SLC17A8: variants seen among roughly 807,000 people sequenced by gnomAD.
The protein encoded by SLC17A8 is vesicular glutamate transporter 3.
A neutral mutation model predicts 58.0 loss-of-function variants in SLC17A8; 31 were observed. The observed-to-expected ratio is 0.53, with a 90% CI of 0.40 to 0.72. SLC17A8 has a LOEUF of 0.72. Ranked by LOEUF, SLC17A8 falls within the 30% of genes least tolerant of loss-of-function variation. The pLI is 0.00. For missense variants in SLC17A8, 655 were observed against 727.8 expected, an observed-to-expected ratio of 0.90 and a Z score of 1.15; for synonymous variants, 228 against 249.0, an observed-to-expected ratio of 0.92 and a Z score of 0.79.
At chr12:100,384,792 C>A (rs763455826) in intron 2 of SLC17A8, among the ~76,000 whole-genome samples, 2 of 152,136 alleles carry the variant, frequency 1.3e-5, no homozygotes, top group Non-Finnish European at 2.9e-5. Flanking sequence ...ACAGGCCCTG[C>A]CAGAAGTGCT....
intron 5 of SLC17A8, among the ~76,000 whole-genome samples, chr12:100,399,532 T>TA (rs1431370202): frequency 1.1e-4 from 16 of 151,962 alleles, no homozygotes; most frequent in Non-Finnish European, 2.4e-4. Context: ...TCAAGGAACT[T>TA]ACAATCACGG....
At chr12:100,417,779 A>T (rs1446756525) in intron 10 of SLC17A8, among the ~76,000 whole-genome samples, 1 of 152,240 alleles carries the variant, frequency 6.6e-6, no homozygotes, top group Non-Finnish European at 1.5e-5. Flanking sequence ...AGAACCTACA[A>T]GGTAGAGATG....
chr12:100,370,436 T>G (rs551603240), intron 1 of SLC17A8, among the ~76,000 whole-genome samples: 3 of 152,156 alleles, frequency 2.0e-5, no homozygotes, highest in African/African-American at 7.2e-5. Context: ...TAGCTGGGAT[T>G]ACAGGCATGC....
intron 1 of SLC17A8, among the ~76,000 whole-genome samples, chr12:100,367,631 G>A (rs1952528848): frequency 1.3e-5 from 2 of 152,152 alleles, no homozygotes; most frequent in African/African-American, 4.8e-5. Context: ...CCTCACGGCA[G>A]CCTCAACCTC....
Position 100,357,356 on chromosome 12 carries a change from T to C in SLC17A8, c.-36T>C. ...GAGGAAGGATGACAGTTTTTGAGAC[T>C]GACTGTTAACGGCTCAGAGGTGCCC... On this transcript the variant is annotated 5_prime_UTR_variant, in exon 1 of 12. Coordinates refer to ENST00000323346, the MANE Select transcript of SLC17A8 (RefSeq NM_139319.3). 7 of 1,170,342 alleles carry C rather than the reference T, an allele frequency of 6.0e-6. 1 individual carries two copies. The South Asian group carries it at 6.1e-5, about 10-fold the overall frequency. The allele number at this position is 1,170,342 out of a possible 1,614,324, so 72.5% of individuals were successfully genotyped here.
intron 2 of SLC17A8, among the ~76,000 whole-genome samples, chr12:100,384,642 GC>G: frequency 1.3e-5 from 2 of 152,294 alleles, no homozygotes; most frequent in Middle Eastern, 6.8e-3. Flanking sequence ...AAAGCCAAGG[GC>G]AGAAAGCAGG....
In SLC17A8 at chr12:100,389,499, T is replaced by C. The variant is rs551747973; in HGVS notation, c.355-1502T>C. ...AGTAGCCCCCCAAAACCCCATTTTT[T>C]GTTTTATTCACAAGCTATTTTATTT... On this transcript the variant is annotated intron_variant, in intron 2 of 11. Coordinates refer to ENST00000323346, the MANE Select transcript of SLC17A8 (RefSeq NM_139319.3). Among the ~76,000 whole-genome samples, 15 of 152,282 alleles carry C rather than the reference T, an allele frequency of 9.9e-5. No individual in the cohort carries two copies. In the East Asian group the frequency reaches 1.9e-3, roughly 20 times the overall value.
At position 100,380,861 on chromosome 12, in the gene SLC17A8, A is replaced by G. The variant is rs765494483; in HGVS notation, c.262A>G (p.Ile88Val). ...IAIMSGLGFC[I>V]SFGIRCNLGV... ...TATCATGAGTGGGCTGGGATTCTGC[A>G]TTTCCTTTGGGATCCGGTGCAATCT... Residue 88 changes from isoleucine to valine, a missense_variant, in exon 2 of 12, where the codon ATT (isoleucine) becomes GTT (valine). Ile to Val is a conservative substitution (Grantham distance 29, BLOSUM62 3). Transcript: ENST00000323346. 5.0e-6 allele frequency: 8 copies of G among 1,614,140 alleles called. No individual in the cohort carries two copies. In the South Asian group the frequency reaches 5.5e-5, roughly 11 times the overall value.
At position 100,408,004 on chromosome 12, in the gene SLC17A8, A is replaced by AG. The variant is rs140536616; in HGVS notation, c.1186+3835dup. 3.8e-3 allele frequency among the ~76,000 whole-genome samples: 578 copies of AG among 152,328 alleles called. 1 individual carries two copies. The highest frequency in any genetic ancestry group is 6.5e-3 in the Admixed American group (99 of 15,286). On this transcript the variant is annotated intron_variant, in intron 9 of 11. Transcript: ENST00000323346. ...GGTCCCACTTTTTCTGCTTAAATAC[A>AG]GAGATGCTAGAGCAGAGATAACTAC... is the stretch of plus-strand genomic sequence containing the variant.
chr12:100,370,267 T>A (rs770648210), intron 1 of SLC17A8, among the ~76,000 whole-genome samples: 4 of 151,888 alleles, frequency 2.6e-5, no homozygotes, highest in Non-Finnish European at 4.4e-5. Context: ...GTTTTTAAAC[T>A]CTGTCAATTA....
At chr12:100,361,653 G>A (rs1489947293) in intron 1 of SLC17A8, among the ~76,000 whole-genome samples, 1 of 152,172 alleles carries the variant, frequency 6.6e-6, no homozygotes, top group Non-Finnish European at 1.5e-5. Context: ...AAAACTGGGA[G>A]GGAGTAAAAC....
chr12:100,397,806 G>A (rs1453465179), intron 5 of SLC17A8, among the ~76,000 whole-genome samples: 3 of 151,948 alleles, frequency 2.0e-5, no homozygotes, highest in African/African-American at 4.8e-5. Flanking sequence ...AGCTGGGTGC[G>A]GTGGCTCATG....
intron 2 of SLC17A8, among the ~76,000 whole-genome samples, chr12:100,389,656 G>A (rs937886450): frequency 1.3e-5 from 2 of 151,238 alleles, no homozygotes; most frequent in South Asian, 2.1e-4. Context: ...TTAGAGACAG[G>A]AGCTTGCTCT....
chr12:100,370,718 C>T (rs1475198701), intron 1 of SLC17A8, among the ~76,000 whole-genome samples: 3 of 151,652 alleles, frequency 2.0e-5, no homozygotes, highest in African/African-American at 7.3e-5. Flanking sequence ...AGCTTGTCAT[C>T]TGTGACTTAG....
At chr12:100,365,023 G>A (rs898770272) in intron 1 of SLC17A8, among the ~76,000 whole-genome samples, 1 of 152,170 alleles carries the variant, frequency 6.6e-6, no homozygotes, top group Non-Finnish European at 1.5e-5. Context: ...AGAGGCATTG[G>A]TATAGTAGAT....
At chr12:100,394,097 AT>A (rs1218217919) in intron 4 of SLC17A8, among the ~76,000 whole-genome samples, 2 of 152,020 alleles carry the variant, frequency 1.3e-5, no homozygotes, top group South Asian at 4.2e-4. Context: ...TCTTCTTTTG[AT>A]TTTTTTTCTC....
At position 100,393,494 on chromosome 12, in the gene SLC17A8, C is replaced by T. The variant is rs766544059; in HGVS notation, c.588+11C>T. On this transcript the variant is annotated intron_variant, in intron 4 of 11. Coordinates refer to ENST00000323346, the MANE Select transcript of SLC17A8 (RefSeq NM_139319.3). The stretch of plus-strand genomic sequence containing the variant: ...CAAGGTTTAGTGGAGGTAGGAGATA[C>T]TTTCCTTACAGTTTTTGATATTGCT... 1.1e-5 allele frequency: 17 copies of T among 1,589,668 alleles called. No individual in the cohort carries two copies. The South Asian group carries it at 1.5e-4, about 14-fold the overall frequency.
chr12:100,358,338 C>T (rs1434667991), intron 1 of SLC17A8, among the ~76,000 whole-genome samples: 1 of 152,080 alleles, frequency 6.6e-6, no homozygotes, highest in Non-Finnish European at 1.5e-5. Context: ...ATGATTATTT[C>T]TAATCCTGGT....
At chr12:100,413,166 T>C (rs1410919698) in intron 10 of SLC17A8, among the ~76,000 whole-genome samples, 1 of 152,150 alleles carries the variant, frequency 6.6e-6, no homozygotes, top group Non-Finnish European at 1.5e-5. Context: ...CAAGCATATG[T>C]CCTGGGTGAA....
Sources: allele counts gnomAD v4.1 joint callset (sites outside exome capture counted in the v4.1 genomes callset), GRCh38; gene constraint gnomAD v4.1.1; transcripts MANE v1.5; gene names NCBI Gene and HGNC (gene_info 2026-07-23, HGNC 2026-07-21).